AUTS2: variants seen among roughly 807,000 people sequenced by gnomAD.
AUTS2 encodes autism susceptibility gene 2 protein.
AUTS2 carries 17 observed loss-of-function variants against 112.4 expected under a neutral mutation model. The ratio of observed to expected loss-of-function variants is 0.15; its 90% CI spans 0.10 to 0.23. The LOEUF (loss-of-function observed/expected upper bound fraction) is 0.23, where lower values mean the gene tolerates loss of function less well. AUTS2 is among the 10% of genes least tolerant of loss of function. The pLI is 1.00. For synonymous variants in AUTS2, 751 were observed against 702.7 expected, an observed-to-expected ratio of 1.07 and a Z score of -1.09; for missense variants, 1,510 against 1,701.6, an observed-to-expected ratio of 0.89 and a Z score of 1.98.
At chr7:70,089,000 GCTTTGTGACTCAGACTATGGTCTGT>G (rs1356292229) in intron 2 of AUTS2, among the ~76,000 whole-genome samples, 2 of 152,092 alleles carry the variant, frequency 1.3e-5, no homozygotes, top group Non-Finnish European at 2.9e-5. Flanking sequence ...ACTGAGACTT[GCTTTGTGACTCAGACTATGGTCTGT>G]CTTTGTAAAT....
chr7:69,801,439 A>G (rs889851352), intron 1 of AUTS2, among the ~76,000 whole-genome samples: 1 of 150,260 alleles, frequency 6.7e-6, no homozygotes, highest in African/African-American at 2.4e-5. Context: ...ATACATATAT[A>G]TGTATGTATA....
At chr7:70,701,863 A>G (rs190732631) in intron 6 of AUTS2, among the ~76,000 whole-genome samples, 351 of 152,366 alleles carry the variant, frequency 2.3e-3, no homozygotes, top group Non-Finnish European at 4.1e-3. Context: ...ACCATCTGCC[A>G]AAGAAAAAAT....
intron 1 of AUTS2, among the ~76,000 whole-genome samples, chr7:69,882,576 T>G (rs1031505259): frequency 1.3e-5 from 2 of 152,158 alleles, no homozygotes; most frequent in Admixed American, 1.3e-4. Context: ...TATGTGACCT[T>G]GGGAATATTA....
At chr7:69,919,604 T>G (rs1406071657) in intron 2 of AUTS2, among the ~76,000 whole-genome samples, 1 of 152,212 alleles carries the variant, frequency 6.6e-6, no homozygotes, top group Non-Finnish European at 1.5e-5. Context: ...ATTCTTGGGT[T>G]AAAGTTTCTA....
At chr7:70,061,154 T>C (rs560488882) in intron 2 of AUTS2, among the ~76,000 whole-genome samples, 77 of 152,292 alleles carry the variant, frequency 5.1e-4, no homozygotes, top group African/African-American at 1.7e-3. Context: ...CTGGTTCGTG[T>C]TGAGAGGAGT....
At chr7:69,827,558 T>C (rs564588520) in intron 1 of AUTS2, among the ~76,000 whole-genome samples, 1 of 152,304 alleles carries the variant, frequency 6.6e-6, no homozygotes, top group East Asian at 1.9e-4. Context: ...GAAGCTCTTC[T>C]TACTTAAAAC....
intron 2 of AUTS2, among the ~76,000 whole-genome samples, chr7:69,901,443 G>T (rs1295856409): frequency 1.3e-5 from 2 of 152,040 alleles, no homozygotes; most frequent in South Asian, 4.2e-4. Flanking sequence ...CTACTTCTTC[G>T]AGACTTTCAA....
chr7:70,644,237 A>G (rs537375114), intron 5 of AUTS2, among the ~76,000 whole-genome samples: 1 of 152,316 alleles, frequency 6.6e-6, no homozygotes, highest in African/African-American at 2.4e-5. Context: ...TGTGATGTGT[A>G]AGTGATACAT....
chr7:70,447,048 G>A lies in AUTS2; in HGVS notation c.690+11267G>A, dbSNP rs917895984. 2.6e-5 allele frequency among the ~76,000 whole-genome samples: 4 copies of A among 152,180 alleles called. 1 individual carries two copies. The highest frequency in any genetic ancestry group is 9.7e-5 in the African/African-American group (4 of 41,442). On this transcript the variant is annotated intron_variant, in intron 5 of 18. Transcript: ENST00000342771. ...AAACTCCTTCTCTAAGGAGAGCCCAGGGTAAGTGCAAGTCTCTGCCAAGCC... is the reference window on the plus strand; with the variant it reads ...AAACTCCTTCTCTAAGGAGAGCCCAAGGTAAGTGCAAGTCTCTGCCAAGCC...
chr7:69,609,831 A>G (rs1792933469), intron 1 of AUTS2, among the ~76,000 whole-genome samples: 1 of 152,260 alleles, frequency 6.6e-6, no homozygotes, highest in African/African-American at 2.4e-5. Context: ...TCTCATGTGT[A>G]TGTATTCATA....
At chr7:70,245,647 G>A (rs1361822747) in intron 4 of AUTS2, among the ~76,000 whole-genome samples, 2 of 152,030 alleles carry the variant, frequency 1.3e-5, no homozygotes, top group African/African-American at 2.4e-5. Flanking sequence ...ACCTTGTATT[G>A]ATGGACAGTG....
At chr7:69,683,119 C>T (rs968694895) in intron 1 of AUTS2, among the ~76,000 whole-genome samples, 1 of 152,180 alleles carries the variant, frequency 6.6e-6, no homozygotes, top group Non-Finnish European at 1.5e-5. Context: ...CTGGATGAGG[C>T]GGTATCTGAT....
intron 5 of AUTS2, among the ~76,000 whole-genome samples, chr7:70,482,979 T>C (rs963540467): frequency 6.6e-6 from 1 of 152,210 alleles, no homozygotes; most frequent in African/African-American, 2.4e-5. Flanking sequence ...GTGATCTATT[T>C]TTCTGTTTAT....
At chr7:70,390,646 G>A (rs1346715408) in intron 4 of AUTS2, among the ~76,000 whole-genome samples, 1 of 151,934 alleles carries the variant, frequency 6.6e-6, no homozygotes, top group African/African-American at 2.4e-5. Flanking sequence ...GTTTTAAGAT[G>A]CATTCATTCT....
chr7:70,730,072 T>C lies in AUTS2; in HGVS notation c.742+31452T>C, dbSNP rs563966449. 1.2e-4 allele frequency among the ~76,000 whole-genome samples: 18 copies of C among 152,216 alleles called. No individual in the cohort carries two copies. In the East Asian group the frequency reaches 3.1e-3, roughly 26 times the overall value. ...TAATTTTTTGTATATTTAGTAGAGA[T>C]GGAGTTTCACTCTGTTGGCTAGGCT... On this transcript the variant is annotated intron_variant, in intron 6 of 18. Transcript: ENST00000342771.
intron 1 of AUTS2, among the ~76,000 whole-genome samples, chr7:69,661,490 C>T (rs1424872638): frequency 2.0e-5 from 3 of 152,098 alleles, no homozygotes; most frequent in Non-Finnish European, 1.5e-5. Flanking sequence ...GCACTGAAAC[C>T]ATCTGGTGTT....
At chr7:70,222,500 TATC>T (rs1016996752) in intron 4 of AUTS2, among the ~76,000 whole-genome samples, 1 of 152,184 alleles carries the variant, frequency 6.6e-6, no homozygotes, top group African/African-American at 2.4e-5. Context: ...TATGAAACAA[TATC>T]TTTTTAAAAA....
intron 5 of AUTS2, among the ~76,000 whole-genome samples, chr7:70,444,356 G>GTGTGTGTT: frequency 6.7e-6 from 1 of 148,448 alleles, no homozygotes; most frequent in Non-Finnish European, 1.5e-5. Flanking sequence ...GTGTGTGTGT[G>GTGTGTGTT]TGTGTGTGTG....
chr7:70,537,752 C>T (rs867659759), intron 5 of AUTS2, among the ~76,000 whole-genome samples: 15 of 152,164 alleles, frequency 9.9e-5, no homozygotes, highest in Admixed American at 3.3e-4. Context: ...CCAGAGAACC[C>T]TGAAGGTGAA....
Sources: gnomAD v4.1 joint callset for allele counts (sites outside exome capture counted in the v4.1 genomes callset) on GRCh38, gnomAD v4.1.1 for gene constraint, MANE v1.5 for transcripts, NCBI Gene and HGNC (gene_info 2026-07-23, HGNC 2026-07-21) for gene names.